HMGCS1: variants seen among roughly 807,000 people sequenced by gnomAD.
HMGCS1 encodes 3-hydroxy-3-methylglutaryl-CoA synthase 1, also known as hydroxymethylglutaryl-CoA synthase, cytoplasmic.
In HMGCS1, 9 loss-of-function variants were observed where a neutral mutation model predicts 52.3. That is an observed-to-expected ratio of 0.17 (90% CI 0.10 to 0.30). The LOEUF (loss-of-function observed/expected upper bound fraction) is 0.30. Ranked by LOEUF, HMGCS1 falls within the 10% of genes least tolerant of loss-of-function variation. The pLI is 1.00. For missense variants in HMGCS1, 320 were observed against 620.9 expected (o/e 0.52, Z 5.15); for synonymous variants, 176 against 214.4 (o/e 0.82, Z 1.57).
intron 8 of HMGCS1, among the ~76,000 whole-genome samples, chr5:43,293,412 G>GT (rs1753875953): frequency 6.6e-6 from 1 of 152,058 alleles, no homozygotes; most frequent in African/African-American, 2.4e-5. Flanking sequence ...ATTTTAAAAA[G>GT]TAATGTCAAG....
Position 43,297,257 on chromosome 5 carries a change from TTAAC to T in HMGCS1, c.575-95_575-92del, listed in dbSNP as rs201721579. The T allele has an allele frequency of 1.3e-3, 1,324 of 1,055,934 alleles. 38 individuals carry two copies. The East Asian group carries it at 0.031, about 25-fold the overall frequency. The allele number at this position is 1,055,934 out of a possible 1,614,324, so 65.4% of individuals were successfully genotyped here. A position where few individuals can be genotyped will look rare whatever the true frequency, so the allele number is the denominator to read the frequency against. ...ATACTGCATTATCTAAGGACCTTCC[TTAAC>T]TATCTGATCAATTCTCACCACTTAC... On this transcript the variant is annotated intron_variant, in intron 4 of 10. Coordinates refer to ENST00000325110, the MANE Select transcript of HMGCS1 (RefSeq NM_001098272.3).
In HMGCS1 at chr5:43,298,840, T is replaced by C. The variant is rs764079467; in HGVS notation, c.126A>G (p.Val42=). ...AGCCAATGGTATACTTTCCAGCATC[T>C]ACACCATCATATTTTTCCAACTCTG... ...DQAELEKYDG[V]DAGKYTIGLG... The change falls in exon 3 of 11, where the codon GTA becomes GTG. Residue 42 remains valine, a synonymous_variant. Transcript: ENST00000325110. The surrounding 1 kb of genome is among the most constrained non-coding windows in gnomAD (Gnocchi z 5.6). The C allele has an allele frequency of 4.3e-6, 7 of 1,614,210 alleles. No homozygotes were observed. In the South Asian group the frequency reaches 6.6e-5, roughly 15 times the overall value.
At chr5:43,293,045 T>C in intron 8 of HMGCS1, 72 bp from the exon 9 acceptor site, 2 of 1,319,082 alleles carry the variant, frequency 1.5e-6, no homozygotes, top group Non-Finnish European at 2.1e-6. Context: ...CTAAGTAAAA[T>C]GTTGCCAAAT....
At chr5:43,309,985 G>A (rs896639840) in intron 1 of HMGCS1, among the ~76,000 whole-genome samples, 2 of 152,236 alleles carry the variant, frequency 1.3e-5, no homozygotes, top group African/African-American at 4.8e-5. Flanking sequence ...ATTCAAAGAA[G>A]TGGTTGGAGA....
intron 6 of HMGCS1, among the ~76,000 whole-genome samples, 163 bp from the exon 7 acceptor site, chr5:43,295,024 T>C (rs1473342329): frequency 6.6e-6 from 1 of 152,122 alleles, no homozygotes; most frequent in Non-Finnish European, 1.5e-5. Flanking sequence ...ATCATAACAG[T>C]TGTATATATA....
chr5:43,306,420 G>T (rs1163956064), intron 2 of HMGCS1, among the ~76,000 whole-genome samples: 1 of 152,164 alleles, frequency 6.6e-6, no homozygotes, highest in Non-Finnish European at 1.5e-5. Context: ...AGTGAGCTCT[G>T]CCTCTGCTCT....
chr5:43,309,818 A>C (rs868624488), intron 1 of HMGCS1, among the ~76,000 whole-genome samples: 27 of 152,300 alleles, frequency 1.8e-4, no homozygotes, highest in Admixed American at 6.5e-4. Flanking sequence ...AGGTTTGCAG[A>C]CTCATGGGAT....
At chr5:43,302,798 C>T (rs1391656167) in intron 2 of HMGCS1, among the ~76,000 whole-genome samples, 1 of 152,176 alleles carries the variant, frequency 6.6e-6, no homozygotes, top group Non-Finnish European at 1.5e-5. Flanking sequence ...TGAAGGCCAG[C>T]ACCAAAACCT....
chr5:43,292,439 C>A, intron 10 of HMGCS1, 35 bp downstream of exon 10: 12 of 1,591,978 alleles, frequency 7.5e-6, no homozygotes, highest in Non-Finnish European at 1.0e-5. Flanking sequence ...GTCTCCTAAA[C>A]CCTAAGATAT....
At chr5:43,295,309 G>C (rs905490541) in intron 6 of HMGCS1, among the ~76,000 whole-genome samples, 2 of 152,130 alleles carry the variant, frequency 1.3e-5, no homozygotes, top group Non-Finnish European at 2.9e-5. Flanking sequence ...GAGACACAGG[G>C]AGAAACAGAA....
At chr5:43,300,823 A>C (rs888954500) in intron 2 of HMGCS1, among the ~76,000 whole-genome samples, 6 of 151,796 alleles carry the variant, frequency 4.0e-5, no homozygotes, top group Non-Finnish European at 7.4e-5. Context: ...AAAAAAAAGA[A>C]AAGACTTAAG....
At chr5:43,294,217 G>T in intron 7 of HMGCS1, 55 bp from the exon 8 acceptor site, 1 of 1,081,220 alleles carries the variant, frequency 9.2e-7, no homozygotes, top group Non-Finnish European at 1.4e-6. Flanking sequence ...GCTACAGCGT[G>T]TGGGAAGCTA....
At chr5:43,311,322 CAAAAAAA>C (rs34754612) in intron 1 of HMGCS1, among the ~76,000 whole-genome samples, 1 of 98,344 alleles carries the variant, frequency 1.0e-5, no homozygotes. Flanking sequence ...TCTGTCTCCC[CAAAAAAA>C]AAAAAAAAAA....
chr5:43,295,195 T>A (rs1579640146), intron 6 of HMGCS1, among the ~76,000 whole-genome samples: 1 of 152,222 alleles, frequency 6.6e-6, no homozygotes, highest in Non-Finnish European at 1.5e-5. Context: ...GAATACTATT[T>A]CAAGTCCATA....
At chr5:43,301,305 G>T (rs1754305719) in intron 2 of HMGCS1, among the ~76,000 whole-genome samples, 1 of 152,200 alleles carries the variant, frequency 6.6e-6, no homozygotes, top group Non-Finnish European at 1.5e-5. Context: ...CTAGGTAAGG[G>T]TTAGGTCATG....
chr5:43,299,085 A>G, intron 2 of HMGCS1, 110 bp from the exon 3 acceptor site: 3 of 731,924 alleles, frequency 4.1e-6, no homozygotes, highest in Non-Finnish European at 6.6e-6. Flanking sequence ...CTGAAGTATT[A>G]GTTTCTTTAA....
intron 1 of HMGCS1, among the ~76,000 whole-genome samples, chr5:43,312,634 TTAG>T (rs1391235881): frequency 6.6e-6 from 1 of 152,038 alleles, no homozygotes; most frequent in Non-Finnish European, 1.5e-5. Context: ...CCCGAAGGTA[TTAG>T]TAGGAGAGAG....
At chr5:43,300,877 T>C (rs1754282836) in intron 2 of HMGCS1, among the ~76,000 whole-genome samples, 1 of 152,268 alleles carries the variant, frequency 6.6e-6, no homozygotes, top group East Asian at 1.9e-4. Context: ...AATCTTTTTT[T>C]TTTCTCATTC....
chr5:43,292,707 T>TA lies in HMGCS1; in HGVS notation c.1310-71dup. On this transcript the variant is annotated intron_variant, in intron 9 of 10. Transcript: ENST00000325110. The stretch of plus-strand genomic sequence containing the variant: ...ATTCATCTGGTAATAAAGCTAAAGA[T>TA]AAGTTTCATATATCCCAATAATTTT... 3 of 1,516,834 alleles carry TA rather than the reference T, an allele frequency of 2.0e-6. No individual in the cohort carries two copies. In the South Asian group the frequency reaches 3.4e-5, roughly 17 times the overall value. The allele number at this position is 1,516,834 out of a possible 1,614,324, so 94.0% of individuals were successfully genotyped here. A position where few individuals can be genotyped will look rare whatever the true frequency, so the allele number is the denominator to read the frequency against.
Sources: allele counts gnomAD v4.1 joint callset (sites outside exome capture counted in the v4.1 genomes callset), GRCh38; gene constraint gnomAD v4.1.1; non-coding constraint Gnocchi (gnomAD v3.1); transcripts MANE v1.5; gene names NCBI Gene and HGNC (gene_info 2026-07-23, HGNC 2026-07-21).